Variants in GTF2IRD1 observed in about 807,000 individuals in gnomAD.
GTF2IRD1 encodes the protein GTF2I repeat domain containing 1.
Under a neutral mutation model 113.2 loss-of-function variants are expected in GTF2IRD1, and 26 were observed. That is an observed-to-expected ratio of 0.23 (90% confidence interval 0.17 to 0.32). GTF2IRD1 has a LOEUF of 0.32. Ranked by LOEUF, GTF2IRD1 falls within the 10% of genes least tolerant of loss-of-function variation. The pLI is 1.00. For missense variants in GTF2IRD1, 864 were observed against 1,280.8 expected (o/e 0.67, Z 4.97); for synonymous variants, 484 against 529.1 (o/e 0.91, Z 1.17).
At chr7:74,559,519 G>A (rs1331568554) in intron 21 of GTF2IRD1, 108 bp from the exon 22 acceptor site, 2 of 878,520 alleles carry the variant, frequency 2.3e-6, no homozygotes, top group Non-Finnish European at 3.6e-6. Flanking sequence ...TTCTGCTGCT[G>A]TAGGTCTGGG....
chr7:74,472,578 C>T (rs1399179243), intron 1 of GTF2IRD1, among the ~76,000 whole-genome samples: 2 of 152,096 alleles, frequency 1.3e-5, no homozygotes, highest in Non-Finnish European at 2.9e-5. Context: ...GAAACCCCAT[C>T]TCTATTAAAA....
intron 19 of GTF2IRD1, among the ~76,000 whole-genome samples, chr7:74,556,157 C>T (rs1436934487): frequency 6.6e-6 from 1 of 151,192 alleles, no homozygotes; most frequent in Non-Finnish European, 1.5e-5. Flanking sequence ...GAGGCTAAGG[C>T]GGGAGAATCG....
intron 1 of GTF2IRD1, among the ~76,000 whole-genome samples, chr7:74,460,512 G>A (rs1332985802): frequency 1.3e-5 from 2 of 152,036 alleles, no homozygotes; most frequent in African/African-American, 2.4e-5. Context: ...TTCCCAAAGT[G>A]CTGGGATTAC....
chr7:74,454,363 C>T (rs1342356613), intron 1 of GTF2IRD1, among the ~76,000 whole-genome samples, 187 bp downstream of exon 1: 1 of 150,386 alleles, frequency 6.6e-6, no homozygotes, highest in African/African-American at 2.4e-5. Context: ...AATTCGGGCC[C>T]GGGGGGAGGG....
chr7:74,492,168 TA>T (rs1195741224), intron 1 of GTF2IRD1, among the ~76,000 whole-genome samples: 2 of 150,668 alleles, frequency 1.3e-5, no homozygotes, highest in Non-Finnish European at 3.0e-5. Flanking sequence ...CATTCCCGGC[TA>T]ATTTTTTTTT....
intron 1 of GTF2IRD1, among the ~76,000 whole-genome samples, chr7:74,472,718 C>T (rs1554332700): frequency 3.3e-5 from 5 of 152,218 alleles, no homozygotes; most frequent in Non-Finnish European, 7.3e-5. Flanking sequence ...CACCACTGCC[C>T]TCCAGCCTGG....
At chr7:74,586,836 T>A (rs587668109) in intron 22 of GTF2IRD1, among the ~76,000 whole-genome samples, 2 of 152,252 alleles carry the variant, frequency 1.3e-5, no homozygotes, top group African/African-American at 4.8e-5. Context: ...AGAAGTGAGC[T>A]CTTCCCAGAG....
At chr7:74,514,232 T>G (rs1796790718) in intron 3 of GTF2IRD1, among the ~76,000 whole-genome samples, 1 of 151,992 alleles carries the variant, frequency 6.6e-6, no homozygotes, top group Non-Finnish European at 1.5e-5. Flanking sequence ...ACCCCTAAGA[T>G]CAGCTGTTTC....
At chr7:74,569,701 A>G (rs587671701) in intron 22 of GTF2IRD1, among the ~76,000 whole-genome samples, 1 of 152,264 alleles carries the variant, frequency 6.6e-6, no homozygotes, top group African/African-American at 2.4e-5. Flanking sequence ...GAGTGTTGAG[A>G]AGGTCTGAAC....
At chr7:74,468,945 C>A (rs1355040235) in intron 1 of GTF2IRD1, among the ~76,000 whole-genome samples, 1 of 151,520 alleles carries the variant, frequency 6.6e-6, no homozygotes, top group Non-Finnish European at 1.5e-5. Flanking sequence ...ATTAGCCGGG[C>A]GTGATGGTGG....
intron 9 of GTF2IRD1, among the ~76,000 whole-genome samples, chr7:74,530,371 C>T (rs1242725134): frequency 6.6e-6 from 1 of 151,848 alleles, no homozygotes; most frequent in East Asian, 1.9e-4. Flanking sequence ...GAGAATAAGA[C>T]GAGTCTGAGA....
chr7:74,559,567 G>T (rs1243551118), intron 21 of GTF2IRD1, 60 bp from the exon 22 acceptor site: 2 of 1,476,440 alleles, frequency 1.4e-6, no homozygotes, highest in East Asian at 2.4e-5. Context: ...GAATCCCAGG[G>T]GTGTCTTCCT....
intron 1 of GTF2IRD1, among the ~76,000 whole-genome samples, chr7:74,499,606 G>A (rs1349315566): frequency 6.6e-6 from 1 of 151,184 alleles, no homozygotes; most frequent in East Asian, 1.9e-4. Flanking sequence ...GCACACAAAG[G>A]AATTAATGAA....
chr7:74,597,319 G>A (rs1408611850), intron 25 of GTF2IRD1, among the ~76,000 whole-genome samples: 43 of 151,036 alleles, frequency 2.8e-4, no homozygotes, highest in Admixed American at 4.0e-4. Flanking sequence ...TGGGATTACA[G>A]GCGTAAGCCA....
chr7:74,515,627 C>A, intron 4 of GTF2IRD1, 31 bp downstream of exon 4: 1 of 1,585,296 alleles, frequency 6.3e-7, no homozygotes, highest in Non-Finnish European at 8.6e-7. Context: ...ATTTGGGGGC[C>A]CCAGGGAGGG....
At chr7:74,558,267 G>C (rs1176468656) in intron 20 of GTF2IRD1, among the ~76,000 whole-genome samples, 1 of 103,446 alleles carries the variant, frequency 9.7e-6, no homozygotes, top group Non-Finnish European at 1.9e-5. Context: ...CAACAAAAGC[G>C]AAACTCCGTC....
At chr7:74,599,736 T>C (rs1802633384) in intron 25 of GTF2IRD1, among the ~76,000 whole-genome samples, 1 of 152,166 alleles carries the variant, frequency 6.6e-6, no homozygotes, top group African/African-American at 2.4e-5. Context: ...TTGCCCAGGC[T>C]GGTCTCGAAC....
intron 1 of GTF2IRD1, among the ~76,000 whole-genome samples, chr7:74,467,239 A>G (rs1390991973): frequency 6.6e-6 from 1 of 151,660 alleles, no homozygotes; most frequent in East Asian, 1.9e-4. Flanking sequence ...GTGAGCCCCC[A>G]TGCCCGGCCC....
chr7:74,547,772 T>G (rs1799039674), intron 17 of GTF2IRD1, among the ~76,000 whole-genome samples: 1 of 148,900 alleles, frequency 6.7e-6, no homozygotes, highest in African/African-American at 2.5e-5. Context: ...TTTTTTTTTT[T>G]TTTTTGACAG....
Sources: allele counts gnomAD v4.1 joint callset (sites outside exome capture counted in the v4.1 genomes callset), GRCh38; gene constraint gnomAD v4.1.1; transcripts MANE v1.5; gene names NCBI Gene and HGNC (gene_info 2026-07-23, HGNC 2026-07-21).